The following MTERF4 variants were observed in gnomAD, a reference collection of about 807,000 sequenced individuals.
The protein encoded by MTERF4 is transcription termination factor 4, mitochondrial.
MTERF4 carries 17 observed loss-of-function variants against 22.5 expected under a neutral mutation model. The observed-to-expected ratio is 0.75, with a 90% confidence interval of 0.52 to 1.13. The LOEUF (loss-of-function observed/expected upper bound fraction) is 1.13, where lower values mean the gene tolerates loss of function less well. Among genes scored for constraint, MTERF4 ranks in the 50% most tolerant of loss-of-function variants. MTERF4 has a pLI of 0.00. For missense variants in MTERF4, 420 were observed against 466.8 expected (o/e 0.90, Z 0.92); for synonymous variants, 165 against 175.3 (o/e 0.94, Z 0.47).
chr2:241,063,938 C>A, the MTERF4 span: 2 of 1,161,958 alleles, frequency 1.7e-6, no homozygotes, highest in Non-Finnish European at 2.5e-6. Flanking sequence ...CCTTTCCCTT[C>A]TTCCCGCTGT....
the MTERF4 span, chr2:241,052,524 G>A: frequency 7.4e-7 from 1 of 1,354,824 alleles, no homozygotes; most frequent in African/African-American, 1.7e-5. Flanking sequence ...CCAGGCAGGT[G>A]AGATGGCCAG....
downstream of MTERF4, chr2:241,094,645 GC>G (rs1163878150): frequency 3.0e-6 from 1 of 329,890 alleles, no homozygotes; most frequent in Non-Finnish European, 5.9e-6. This position sits in a 1 kb window ranked among gnomAD's most constrained non-coding sequence, Gnocchi z 4.3. Context: ...TGTGGACCAG[GC>G]CTTAGATGAG....
chr2:241,073,489 G>A lies in MTERF4; in HGVS notation n.2673C>T, dbSNP rs75096118. The A allele has an allele frequency of 0.012, 9,418 of 796,178 alleles. 474 individuals carry two copies. The East Asian group carries it at 0.13, about 11-fold the overall frequency. The allele number at this position is 796,178 out of a possible 1,614,324, so 49.3% of individuals were successfully genotyped here. A position where few individuals can be genotyped will look rare whatever the true frequency, so the allele number is the denominator to read the frequency against. On this transcript the variant is annotated non_coding_transcript_exon_variant, in exon 5 of 5. Transcript: ENST00000464344. This position sits in a 1 kb window ranked among gnomAD's most constrained non-coding sequence, Gnocchi z 6.6. ...GAGGCACAGAGCCTACCTGAGGGGA[G>A]GCTGAGCACCAGGCACCCCGGTGTG... is the stretch of plus-strand genomic sequence containing the variant.
downstream of MTERF4, chr2:241,070,200 C>T (rs368833097): frequency 3.7e-6 from 6 of 1,602,546 alleles, no homozygotes; most frequent in African/African-American, 8.0e-5. Flanking sequence ...ACATCATCAC[C>T]TGTGAGTGCC....
At chr2:241,090,179 C>A, downstream of MTERF4, 1 of 1,464,182 alleles carries the variant, frequency 6.8e-7, no homozygotes, top group South Asian at 1.4e-5. Flanking sequence ...GTTTTCTGTC[C>A]TTAGTGCTTT....
chr2:241,045,574 GA>G, the MTERF4 span, among the ~76,000 whole-genome samples: 1 of 151,618 alleles, frequency 6.6e-6, no homozygotes, highest in African/African-American at 2.4e-5. Flanking sequence ...AAATGGGGTT[GA>G]AACAATTAAA....
In MTERF4 at chr2:241,075,699, C is replaced by G. The variant is rs2062987524; in HGVS notation, n.480-17G>C. 1 of 152,082 alleles carries G rather than the reference C, an allele frequency of 6.6e-6. No individual in the cohort carries two copies. The highest frequency in any genetic ancestry group is 1.5e-5 in the Non-Finnish European group (1 of 68,022). 9.4% of individuals were successfully genotyped at this position (152,082 alleles called of 1,614,324 possible). On this transcript the variant is annotated splice_polypyrimidine_tract_variant and intron_variant and non_coding_transcript_variant, in intron 4 of 4. Transcript: ENST00000464344. This position sits in a 1 kb window ranked among gnomAD's most constrained non-coding sequence, Gnocchi z 4.8. ...TGGTACTTCCTAATAGAGAAAAGTT[C>G]ATAATCAAATTTATCAAGCATTAGT...
At chr2:241,045,849 G>A in the MTERF4 span, among the ~76,000 whole-genome samples, 1 of 152,122 alleles carries the variant, frequency 6.6e-6, no homozygotes, top group Admixed American at 6.5e-5. Flanking sequence ...GAAAGACATG[G>A]TTAAAAGAAT....
At chr2:241,050,102 CTGTT>C in the MTERF4 span, 3 of 683,656 alleles carry the variant, frequency 4.4e-6, no homozygotes, top group African/African-American at 5.3e-5. Context: ...GAGCACCTCA[CTGTT>C]TGGATGGTTC....
chr2:241,056,622 C>T, the MTERF4 span, among the ~76,000 whole-genome samples: 26 of 131,244 alleles, frequency 2.0e-4, no homozygotes, highest in African/African-American at 7.5e-4. Context: ...GCTCTGTCTT[C>T]CAGGCTGGAG....
chr2:241,058,434 G>C, the MTERF4 span, among the ~76,000 whole-genome samples: 4 of 152,030 alleles, frequency 2.6e-5, no homozygotes, highest in African/African-American at 9.7e-5. Flanking sequence ...GAGGAATAAA[G>C]GTAAAAGCCA....
downstream of MTERF4, chr2:241,089,214 C>T: frequency 7.6e-7 from 1 of 1,323,056 alleles, no homozygotes; most frequent in Non-Finnish European, 1.0e-6. Flanking sequence ...CATGTCACTG[C>T]ATGAAAGATG....
chr2:241,046,039 G>A, the MTERF4 span, among the ~76,000 whole-genome samples: 14 of 152,184 alleles, frequency 9.2e-5, no homozygotes, highest in African/African-American at 3.1e-4. Context: ...ATATATGGAG[G>A]TGAATAAACG....
the MTERF4 span, among the ~76,000 whole-genome samples, chr2:241,047,912 T>C: frequency 6.6e-6 from 1 of 151,442 alleles, no homozygotes; most frequent in Non-Finnish European, 1.5e-5. Context: ...TCTCCGGTGC[T>C]TCTTGTTCTG....
intron 2 of MTERF4, among the ~76,000 whole-genome samples, chr2:241,098,976 TAC>T (rs1041317550): frequency 6.6e-5 from 10 of 152,206 alleles, no homozygotes; most frequent in African/African-American, 2.4e-4. Context: ...AGCCAAATTA[TAC>T]AGTCCTCTCC....
At chr2:241,049,754 C>T in the MTERF4 span, 1 of 1,317,102 alleles carries the variant, frequency 7.6e-7, no homozygotes, top group African/African-American at 1.4e-5. Context: ...TGCCCGCCAG[C>T]CTCTTGCCGC....
chr2:241,046,231 TA>T, the MTERF4 span, among the ~76,000 whole-genome samples: 1 of 152,230 alleles, frequency 6.6e-6, no homozygotes, highest in Non-Finnish European at 1.5e-5. Flanking sequence ...TCAGCCACTC[TA>T]AAAACAGTTT....
At chr2:241,087,602 G>A, downstream of MTERF4, 1 of 1,448,076 alleles carries the variant, frequency 6.9e-7, no homozygotes, top group Non-Finnish European at 9.1e-7. Context: ...GCCCAGATAG[G>A]CAGCCCCTGG....
downstream of MTERF4, among the ~76,000 whole-genome samples, chr2:241,068,540 C>T (rs911948779): frequency 2.0e-5 from 3 of 152,070 alleles, no homozygotes; most frequent in East Asian, 1.9e-4. The surrounding 1 kb of genome is among the most constrained non-coding windows in gnomAD (Gnocchi z 5.3). Context: ...ATTGGCCTCA[C>T]GTTGTCCTGT....
Sources: gnomAD v4.1 joint callset for allele counts (sites outside exome capture counted in the v4.1 genomes callset) on GRCh38, gnomAD v4.1.1 for gene constraint, Gnocchi (gnomAD v3.1) non-coding constraint, MANE v1.5 for transcripts, NCBI Gene and HGNC (gene_info 2026-07-23, HGNC 2026-07-21) for gene names.